Variants in PARM1 observed in about 807,000 individuals in gnomAD.
The protein encoded by PARM1 is WSC4, cell wall integrity and stress response component 4 homolog.
A neutral mutation model predicts 24.6 loss-of-function variants in PARM1; 14 were observed. That is an observed-to-expected ratio of 0.57 (90% CI 0.38 to 0.89). PARM1 has a LOEUF of 0.89. PARM1 is among the 40% of genes least tolerant of loss of function. The pLI, the probability that PARM1 is intolerant of heterozygous loss-of-function variation, is 0.00. For missense variants in PARM1, 362 were observed against 380.4 expected, an observed-to-expected ratio of 0.95 and a Z score of 0.40; for synonymous variants, 179 against 156.6, an observed-to-expected ratio of 1.14 and a Z score of -1.07.
chr4:75,035,814 A>C (rs1227827323), intron 3 of PARM1, among the ~76,000 whole-genome samples: 1 of 152,156 alleles, frequency 6.6e-6, no homozygotes, highest in African/African-American at 2.4e-5. Flanking sequence ...TTCTAATAAA[A>C]CATTTTATAA....
intron 2 of PARM1, among the ~76,000 whole-genome samples, chr4:75,030,795 C>T (rs1471433061): frequency 1.3e-5 from 2 of 152,144 alleles, no homozygotes; most frequent in Non-Finnish European, 2.9e-5. Flanking sequence ...AGTGGACTGC[C>T]CGTCAGTGTC....
At chr4:75,018,755 G>C (rs1578052787) in intron 2 of PARM1, among the ~76,000 whole-genome samples, 2 of 152,208 alleles carry the variant, frequency 1.3e-5, no homozygotes. Flanking sequence ...AGTGGTGTGA[G>C]CTCAGCAGTA....
chr4:74,933,757 G>A (rs966094642), intron 1 of PARM1, among the ~76,000 whole-genome samples: 1 of 152,320 alleles, frequency 6.6e-6, no homozygotes, highest in South Asian at 2.1e-4. Flanking sequence ...GTTGGGCCCT[G>A]GAAGGGATGA....
At chr4:75,025,870 C>T (rs962131211) in intron 2 of PARM1, among the ~76,000 whole-genome samples, 3 of 152,176 alleles carry the variant, frequency 2.0e-5, no homozygotes, top group Non-Finnish European at 4.4e-5. Flanking sequence ...TCCTACCTCA[C>T]AGTTCGAATC....
intron 1 of PARM1, among the ~76,000 whole-genome samples, chr4:74,954,635 C>T (rs574109428): frequency 1.1e-4 from 16 of 152,226 alleles, no homozygotes; most frequent in Admixed American, 9.2e-4. Flanking sequence ...TAGCATCGTG[C>T]GCATCATGTT....
chr4:74,959,066 T>C (rs1721706583), intron 1 of PARM1, among the ~76,000 whole-genome samples: 1 of 152,230 alleles, frequency 6.6e-6, no homozygotes. Context: ...ATTATCTGAC[T>C]GCTATATCAG....
chr4:74,956,516 A>G (rs763906026), intron 1 of PARM1: 1 of 152,202 alleles, frequency 6.6e-6, no homozygotes, highest in Non-Finnish European at 1.5e-5. Context: ...CCAGCAAGAA[A>G]ACAACTGAGA....
Position 74,945,670 on chromosome 4 carries a change from G to A in PARM1, c.43+12300G>A, listed in dbSNP as rs181154999. Among the ~76,000 whole-genome samples the A allele has an allele frequency of 2.2e-4, 33 of 152,198 alleles. 1 individual carries two copies. The East Asian group carries it at 5.6e-3, about 26-fold the overall frequency. On this transcript the variant is annotated intron_variant, in intron 1 of 3. Coordinates refer to ENST00000307428, the MANE Select transcript of PARM1 (RefSeq NM_015393.4). ...TTTAATATACTTTGTTAGTTTTTTA[G>A]ATCTCCTCTCTTTGTCACATATGGG...
Position 75,012,704 on chromosome 4 carries a change from G to C in PARM1, c.323G>C (p.Gly108Ala), listed in dbSNP as rs35489484. The part of the protein sequence containing the change: ...EGTNTDPSPS[G>A]FSSTSGGVHL... ...ACAAACACAGACCCCTCACCTTCTGGGTTCTCGTCAACAAGCGGTGGAGTC... is the reference window on the plus strand; with the variant it reads ...ACAAACACAGACCCCTCACCTTCTGCGTTCTCGTCAACAAGCGGTGGAGTC... The change falls in exon 2 of 4, where the codon GGG (glycine) becomes GCG (alanine). Residue 108 changes from glycine (G) to alanine (A), a missense_variant. Gly to Ala is a moderately conservative substitution (Grantham distance 60). Transcript: ENST00000307428. 12,628 of 1,613,912 alleles carry C rather than the reference G, an allele frequency of 7.8e-3. 89 individuals are homozygous for C. The highest frequency in any genetic ancestry group is 0.015 in the Middle Eastern group (89 of 6,062).
At chr4:74,935,534 G>A (rs1006872029) in intron 1 of PARM1, among the ~76,000 whole-genome samples, 6 of 152,156 alleles carry the variant, frequency 3.9e-5, no homozygotes, top group African/African-American at 1.4e-4. Context: ...TGTTTTGGGG[G>A]CTTATCCCAG....
At chr4:74,980,684 G>C (rs1722233291) in intron 1 of PARM1, among the ~76,000 whole-genome samples, 1 of 152,170 alleles carries the variant, frequency 6.6e-6, no homozygotes, top group Non-Finnish European at 1.5e-5. Context: ...AACAAAGCTG[G>C]AGGTATCACA....
At chr4:75,023,663 A>G (rs1723126945) in intron 2 of PARM1, among the ~76,000 whole-genome samples, 1 of 152,254 alleles carries the variant, frequency 6.6e-6, no homozygotes, top group African/African-American at 2.4e-5. Flanking sequence ...AAAAATAGCT[A>G]TGTTCACATC....
intron 2 of PARM1, among the ~76,000 whole-genome samples, chr4:75,032,633 C>G (rs1391536767): frequency 6.6e-5 from 10 of 152,116 alleles, no homozygotes; most frequent in Non-Finnish European, 4.4e-5. Context: ...CTCATTTAAT[C>G]CCCTTAAAAT....
intron 3 of PARM1, among the ~76,000 whole-genome samples, chr4:75,043,076 A>G (rs958996599): frequency 6.6e-6 from 1 of 152,180 alleles, no homozygotes; most frequent in Non-Finnish European, 1.5e-5. Context: ...TAAAATAACC[A>G]TAGCCAGTAA....
At chr4:74,983,217 T>C (rs1243193098) in intron 1 of PARM1, among the ~76,000 whole-genome samples, 1 of 152,202 alleles carries the variant, frequency 6.6e-6, no homozygotes, top group African/African-American at 2.4e-5. Flanking sequence ...AGGTAGTAGA[T>C]TGTTGTGGCT....
chr4:74,996,036 A>G (rs1722571107), intron 1 of PARM1, among the ~76,000 whole-genome samples: 1 of 151,648 alleles, frequency 6.6e-6, no homozygotes, highest in Admixed American at 6.6e-5. Flanking sequence ...TAAAGTTGGA[A>G]ATATTATTCC....
chr4:74,998,202 C>T (rs1324186808), intron 1 of PARM1, among the ~76,000 whole-genome samples: 3 of 152,168 alleles, frequency 2.0e-5, no homozygotes, highest in East Asian at 1.9e-4. Flanking sequence ...CTGACAGTTG[C>T]AGCAGTTGGA....
At chr4:74,967,078 A>G (rs1721920446) in intron 1 of PARM1, 1 of 152,234 alleles carries the variant, frequency 6.6e-6, no homozygotes, top group Non-Finnish European at 1.5e-5. Context: ...TGTAATGCAA[A>G]CATGAATTCC....
chr4:74,967,049 G>A (rs1222526859), intron 1 of PARM1: 3 of 152,142 alleles, frequency 2.0e-5, no homozygotes, highest in Non-Finnish European at 4.4e-5. Flanking sequence ...CCAGGTGTAA[G>A]AACTGTAAAA....
Sources: gnomAD v4.1 joint callset for allele counts (sites outside exome capture counted in the v4.1 genomes callset) on GRCh38, gnomAD v4.1.1 for gene constraint, MANE v1.5 for transcripts, NCBI Gene and HGNC (gene_info 2026-07-23, HGNC 2026-07-21) for gene names.